METTL6: variants seen among roughly 807,000 people sequenced by gnomAD.
METTL6 encodes the protein tRNA N(3)-cytidine methyltransferase METTL6.
METTL6 carries 22 observed loss-of-function variants against 26.4 expected under a neutral mutation model. That is an observed-to-expected ratio of 0.83 (90% CI 0.59 to 1.19). The LOEUF is 1.19. Among genes scored for constraint, METTL6 ranks in the 50% most tolerant of loss-of-function variants. METTL6 has a pLI of 0.00. For missense variants in METTL6, 304 were observed against 324.8 expected (o/e 0.94, Z 0.49); for synonymous variants, 109 against 116.2 (o/e 0.94, Z 0.40).
intron 6 of METTL6, among the ~76,000 whole-genome samples, chr3:15,403,560 T>C (rs1699705667): frequency 6.6e-6 from 1 of 152,200 alleles, no homozygotes; most frequent in African/African-American, 2.4e-5. Flanking sequence ...TCTTTTTCCT[T>C]CTCCTGGTTT....
chr3:15,415,440 A>G (rs1700159217), intron 4 of METTL6: 3 of 1,501,980 alleles, frequency 2.0e-6, no homozygotes, highest in Non-Finnish European at 2.7e-6. Context: ...TACAGGCATG[A>G]AACACCACAC....
At chr3:15,385,248 T>C (rs1042428944) in intron 6 of METTL6, among the ~76,000 whole-genome samples, 3 of 152,192 alleles carry the variant, frequency 2.0e-5, no homozygotes, top group African/African-American at 7.2e-5. Flanking sequence ...GAACAACATA[T>C]GCCAATTAGT....
At chr3:15,391,032 C>T (rs759056219) in intron 6 of METTL6, among the ~76,000 whole-genome samples, 5 of 152,256 alleles carry the variant, frequency 3.3e-5, no homozygotes, top group East Asian at 3.9e-4. Context: ...TCCCTGAAGC[C>T]GAGCAGTCTG....
chr3:15,389,849 ATTTTTTT>A (rs58728599), intron 6 of METTL6, among the ~76,000 whole-genome samples: 5 of 132,980 alleles, frequency 3.8e-5, no homozygotes, highest in Admixed American at 7.7e-5. Flanking sequence ...CGCCCGGCCA[ATTTTTTT>A]TTTTTTTTTT....
intron 3 of METTL6, among the ~76,000 whole-genome samples, chr3:15,416,376 A>C (rs971992001): frequency 2.0e-5 from 3 of 152,108 alleles, no homozygotes; most frequent in Non-Finnish European, 4.4e-5. Context: ...TCAGCCTCCT[A>C]AGTAGCTGGA....
At chr3:15,424,854 T>A in intron 3 of METTL6, 101 bp downstream of exon 3, 2 of 1,512,550 alleles carry the variant, frequency 1.3e-6, no homozygotes, top group Non-Finnish European at 1.8e-6. Flanking sequence ...GCTGGTTAGC[T>A]CCAGGGAAGA....
chr3:15,427,578 G>A (rs1015039438), upstream of METTL6: 24 of 566,782 alleles, frequency 4.2e-5, no homozygotes, highest in African/African-American at 4.1e-4. Flanking sequence ...GAAGTCCCAC[G>A]GCCTTGCCTC....
intron 3 of METTL6, among the ~76,000 whole-genome samples, chr3:15,421,923 A>C (rs2061619341): frequency 6.6e-6 from 1 of 152,214 alleles, no homozygotes; most frequent in Non-Finnish European, 1.5e-5. Context: ...AAATTAAAAA[A>C]TAAAATAAAA....
At chr3:15,389,665 T>G (rs906103126) in intron 6 of METTL6, among the ~76,000 whole-genome samples, 3 of 152,134 alleles carry the variant, frequency 2.0e-5, no homozygotes, top group African/African-American at 7.2e-5. Context: ...TTCTCCTGCC[T>G]CAGTCTCCTG....
intron 6 of METTL6, among the ~76,000 whole-genome samples, chr3:15,388,440 G>C (rs1356878559): frequency 6.6e-6 from 1 of 152,184 alleles, no homozygotes; most frequent in Non-Finnish European, 1.5e-5. Flanking sequence ...GGACAACTTG[G>C]TGAGTAGGGG....
intron 4 of METTL6, 125 bp from the exon 5 acceptor site, chr3:15,414,287 C>T (rs911816795): frequency 9.6e-6 from 14 of 1,461,540 alleles, no homozygotes; most frequent in Admixed American, 2.6e-5. Flanking sequence ...GCCCATAATA[C>T]GGAACCAAAA....
At position 15,414,149 on chromosome 3, in the gene METTL6, C is replaced by T; in HGVS notation, c.545G>A (p.Gly182Asp). The T allele has an allele frequency of 1.2e-6, 2 of 1,612,332 alleles. No individual in the cohort carries two copies. The highest frequency in any genetic ancestry group is 1.7e-6 in the Non-Finnish European group (2 of 1,179,576). ...GTAGTCACGAAACAAGACACTTTTG[C>T]CTGGTTTTAATACCTATGAAACAAA... ...LQNIYKVLKP[G>D]KSVLFRDYGL... Residue 182 changes from glycine (G) to aspartate (D), a missense_variant, in exon 5 of 6, where the codon GGC becomes GAC. Gly to Asp is a moderately conservative substitution (Grantham distance 94, BLOSUM62 -1). Coordinates refer to ENST00000383790, the MANE Select transcript of METTL6 (RefSeq NM_152396.4).
At chr3:15,411,541 TA>T in intron 5 of METTL6, 104 bp from the exon 6 acceptor site, 1 of 1,150,438 alleles carries the variant, frequency 8.7e-7, no homozygotes, top group Non-Finnish European at 1.2e-6. Context: ...AATATTTTTT[TA>T]AATGAAAACC....
intron 5 of METTL6, 74 bp downstream of exon 5, chr3:15,413,947 T>A (rs1462644437): frequency 6.2e-7 from 1 of 1,605,306 alleles, no homozygotes; most frequent in Admixed American, 1.7e-5. Flanking sequence ...CCAAGCAGCC[T>A]TGCAGTGATA....
chr3:15,407,340 T>A (rs185841863), downstream of METTL6, among the ~76,000 whole-genome samples: 70 of 152,244 alleles, frequency 4.6e-4, no homozygotes, highest in African/African-American at 1.6e-3. Flanking sequence ...ATATTCTAAA[T>A]GAAAACTTTT....
At chr3:15,401,585 A>ACAAAGTC (rs903348492) in intron 6 of METTL6, among the ~76,000 whole-genome samples, 7 of 151,822 alleles carry the variant, frequency 4.6e-5, no homozygotes, top group Non-Finnish European at 8.8e-5. Flanking sequence ...GAAACAGGTC[A>ACAAAGTC]CAAAGTCCCT....
chr3:15,409,689 C>A (rs926719013), downstream of METTL6, among the ~76,000 whole-genome samples: 2 of 152,094 alleles, frequency 1.3e-5, no homozygotes, highest in African/African-American at 4.8e-5. Flanking sequence ...CTCTCCCCCC[C>A]AGGGCAAACA....
At chr3:15,395,811 T>C (rs1306129113) in intron 6 of METTL6, among the ~76,000 whole-genome samples, 1 of 152,232 alleles carries the variant, frequency 6.6e-6, no homozygotes, top group Non-Finnish European at 1.5e-5. Context: ...TTAAGAATGT[T>C]GAATATTGGC....
chr3:15,418,542 T>C (rs184221166), intron 3 of METTL6, among the ~76,000 whole-genome samples: 1 of 152,022 alleles, frequency 6.6e-6, no homozygotes, highest in East Asian at 1.9e-4. Flanking sequence ...AACAACAGCA[T>C]CTAAGGGCTG....
Sources: gnomAD v4.1 joint callset for allele counts (sites outside exome capture counted in the v4.1 genomes callset) on GRCh38, gnomAD v4.1.1 for gene constraint, MANE v1.5 for transcripts, NCBI Gene and HGNC (gene_info 2026-07-23, HGNC 2026-07-21) for gene names.